The following CCBE1 variants were observed in gnomAD, a reference collection of about 807,000 sequenced individuals.
CCBE1 encodes collagen and calcium binding EGF domains 1.
In CCBE1, 37 loss-of-function variants were observed where a neutral mutation model predicts 50.0. That is an observed-to-expected ratio of 0.74 (90% CI 0.57 to 0.97). The LOEUF is 0.97. Among genes scored for constraint, CCBE1 ranks in the 50% least tolerant of loss-of-function variants. The probability of loss-of-function intolerance (pLI) is 0.00; values close to 1 mark genes in which losing one functional copy is unlikely to be tolerated. For missense variants in CCBE1, 538 were observed against 523.8 expected (o/e 1.03, Z -0.26); for synonymous variants, 234 against 203.7 (o/e 1.15, Z -1.27).
At chr18:59,696,381 A>T in intron 2 of CCBE1, 2 of 954,380 alleles carry the variant, frequency 2.1e-6, no homozygotes, top group Non-Finnish European at 3.0e-6. Context: ...CAAGTATTTC[A>T]GGGAGCGGCA....
intron 2 of CCBE1, among the ~76,000 whole-genome samples, chr18:59,556,477 T>A (rs1383823590): frequency 6.6e-6 from 1 of 152,144 alleles, no homozygotes; most frequent in Non-Finnish European, 1.5e-5. Context: ...CTTAATCAGA[T>A]GTGCTGTAAT....
intron 2 of CCBE1, among the ~76,000 whole-genome samples, chr18:59,670,952 A>T (rs1165623585): frequency 6.6e-6 from 1 of 152,160 alleles, no homozygotes; most frequent in African/African-American, 2.4e-5. Context: ...GTCTCAAAAA[A>T]ATAATAATTT....
chr18:59,482,769 G>C (rs560388757), intron 2 of CCBE1, among the ~76,000 whole-genome samples: 1 of 151,730 alleles, frequency 6.6e-6, no homozygotes, highest in East Asian at 1.9e-4. Context: ...CCCATTCCTT[G>C]CTTTCACCAC....
chr18:59,464,499 T>C (rs1455272307), intron 5 of CCBE1, among the ~76,000 whole-genome samples: 2 of 152,198 alleles, frequency 1.3e-5, no homozygotes, highest in Non-Finnish European at 2.9e-5. Context: ...ACCTGGATGA[T>C]CGACAAGCCC....
chr18:59,682,400 G>A (rs1441170843), intron 2 of CCBE1, among the ~76,000 whole-genome samples: 4 of 152,108 alleles, frequency 2.6e-5, no homozygotes, highest in African/African-American at 4.8e-5. Context: ...CCAGAACCAC[G>A]TGCTATCTGG....
At chr18:59,531,989 G>A (rs908884128) in intron 2 of CCBE1, among the ~76,000 whole-genome samples, 1 of 152,180 alleles carries the variant, frequency 6.6e-6, no homozygotes, top group African/African-American at 2.4e-5. Context: ...CTTGCAACAC[G>A]TATTTCCCTA....
intron 5 of CCBE1, among the ~76,000 whole-genome samples, chr18:59,455,910 A>G (rs1911171490): frequency 1.3e-5 from 2 of 152,250 alleles, no homozygotes; most frequent in African/African-American, 4.8e-5. Flanking sequence ...TTTGTGTGAC[A>G]TAATAACCAC....
chr18:59,448,136 G>A, intron 6 of CCBE1, 33 bp from the exon 7 acceptor site: 1 of 1,613,148 alleles, frequency 6.2e-7, no homozygotes, highest in Non-Finnish European at 8.5e-7. Context: ...CAGTCAGGAA[G>A]CAATGGCAGA....
intron 2 of CCBE1, among the ~76,000 whole-genome samples, chr18:59,492,434 G>C (rs762341719): frequency 6.6e-6 from 1 of 152,088 alleles, no homozygotes; most frequent in Non-Finnish European, 1.5e-5. Flanking sequence ...CACCAGGTAT[G>C]GTCTTATGGA....
chr18:59,527,394 C>T (rs528309758), intron 2 of CCBE1, among the ~76,000 whole-genome samples: 1 of 152,246 alleles, frequency 6.6e-6, no homozygotes, highest in East Asian at 1.9e-4. Flanking sequence ...TGTGTCTTTG[C>T]ACAGGAGATG....
chr18:59,595,680 CATGT>C (rs2053340521), intron 2 of CCBE1, among the ~76,000 whole-genome samples: 1 of 152,170 alleles, frequency 6.6e-6, no homozygotes, highest in East Asian at 1.9e-4. Context: ...AAAAGGTAAA[CATGT>C]ATGAATATAG....
intron 2 of CCBE1, among the ~76,000 whole-genome samples, chr18:59,663,854 C>T (rs972258261): frequency 4.6e-5 from 7 of 152,010 alleles, no homozygotes; most frequent in African/African-American, 1.7e-4. Context: ...CCCAAGATTC[C>T]AGTTTGGGAG....
At chr18:59,467,444 A>T (rs898056955) in intron 4 of CCBE1, among the ~76,000 whole-genome samples, 1 of 152,188 alleles carries the variant, frequency 6.6e-6, no homozygotes, top group Non-Finnish European at 1.5e-5. Context: ...CTTCTAATAA[A>T]AGAAAATAGT....
At chr18:59,591,903 T>C (rs73961271) in intron 2 of CCBE1, among the ~76,000 whole-genome samples, 2,267 of 152,346 alleles carry the variant, frequency 0.015, 69 homozygotes, top group African/African-American at 0.051. Flanking sequence ...TAAATACCTA[T>C]ACAGGTTAAG....
At chr18:59,631,846 T>C (rs1425275212) in intron 2 of CCBE1, among the ~76,000 whole-genome samples, 1 of 152,176 alleles carries the variant, frequency 6.6e-6, no homozygotes, top group Admixed American at 6.5e-5. Context: ...AAAAGCGAAG[T>C]ACTGGTGGTT....
chr18:59,646,473 C>A (rs927306867), intron 2 of CCBE1, among the ~76,000 whole-genome samples: 1 of 152,176 alleles, frequency 6.6e-6, no homozygotes, highest in African/African-American at 2.4e-5. Flanking sequence ...GCACCCAGGG[C>A]ATGCTGGTGA....
chr18:59,672,411 A>T (rs2054444291), intron 2 of CCBE1, among the ~76,000 whole-genome samples: 1 of 152,188 alleles, frequency 6.6e-6, no homozygotes. Flanking sequence ...AGTTTTCAGT[A>T]ATTTGGGACT....
At chr18:59,586,786 A>T (rs1028823062) in intron 2 of CCBE1, among the ~76,000 whole-genome samples, 1 of 152,236 alleles carries the variant, frequency 6.6e-6, no homozygotes, top group South Asian at 2.1e-4. Context: ...ATGATTTCAC[A>T]TAAAAATTAT....
chr18:59,665,181 C>CCT (rs35614328), intron 2 of CCBE1, among the ~76,000 whole-genome samples: 1 of 151,804 alleles, frequency 6.6e-6, no homozygotes, highest in African/African-American at 2.4e-5. Context: ...AGAGTCCCCC[C>CCT]GAGACAAAAG....
Sources: allele counts gnomAD v4.1 joint callset (sites outside exome capture counted in the v4.1 genomes callset), GRCh38; gene constraint gnomAD v4.1.1; transcripts MANE v1.5; gene names NCBI Gene and HGNC (gene_info 2026-07-23, HGNC 2026-07-21).